Variants in PPARGC1A observed in about 807,000 individuals in gnomAD.
PPARGC1A encodes the protein PPARG coactivator 1 alpha.
Under a neutral mutation model 88.7 loss-of-function variants are expected in PPARGC1A, and 25 were observed. That is an observed-to-expected ratio of 0.28 (90% confidence interval 0.21 to 0.39). The LOEUF is 0.39. Among genes scored for constraint, PPARGC1A ranks in the 10% least tolerant of loss-of-function variants. The pLI is 1.00. For missense variants in PPARGC1A, 880 were observed against 968.7 expected (o/e 0.91, Z 1.22); for synonymous variants, 363 against 355.6 (o/e 1.02, Z -0.24).
At chr4:24,470,277 G>GACACACACAGACAC in the PPARGC1A span, among the ~76,000 whole-genome samples, 1 of 110,676 alleles carries the variant, frequency 9.0e-6, no homozygotes, top group Non-Finnish European at 1.9e-5. The surrounding 1 kb of genome is among the most constrained non-coding windows in gnomAD (Gnocchi z 5.8). Context: ...GACAGACACA[G>GACACACACAGACAC]ACACACACAC....
chr4:24,196,626 C>T, the PPARGC1A span, among the ~76,000 whole-genome samples: 1 of 152,198 alleles, frequency 6.6e-6, no homozygotes, highest in South Asian at 2.1e-4. Flanking sequence ...CTATCCCTCT[C>T]ATCCTCAGAG....
the PPARGC1A span, among the ~76,000 whole-genome samples, chr4:24,407,836 A>C: frequency 6.6e-6 from 1 of 152,320 alleles, no homozygotes; most frequent in African/African-American, 2.4e-5. Context: ...GCTGCCTGAC[A>C]CATAGTTAGC....
At chr4:24,359,548 T>C in the PPARGC1A span, among the ~76,000 whole-genome samples, 1 of 152,268 alleles carries the variant, frequency 6.6e-6, no homozygotes, top group East Asian at 1.9e-4. Context: ...AAAGATATAT[T>C]CAAGTCCTAT....
chr4:24,213,932 T>C, the PPARGC1A span, among the ~76,000 whole-genome samples: 1 of 152,244 alleles, frequency 6.6e-6, no homozygotes, highest in Admixed American at 6.5e-5. Context: ...ACTTGCTTCA[T>C]GCAGGCTTAA....
chr4:24,061,377 G>A, the PPARGC1A span, among the ~76,000 whole-genome samples: 1 of 152,324 alleles, frequency 6.6e-6, no homozygotes, highest in African/African-American at 2.4e-5. Context: ...CAAGTCTAGC[G>A]AAGGAGAACG....
the PPARGC1A span, among the ~76,000 whole-genome samples, chr4:24,110,226 A>G: frequency 5.8e-4 from 89 of 152,192 alleles, no homozygotes; most frequent in Non-Finnish European, 1.1e-3. Context: ...AAGAAGATCA[A>G]TGGACACATT....
the PPARGC1A span, among the ~76,000 whole-genome samples, chr4:24,425,185 T>C: frequency 5.9e-5 from 9 of 152,214 alleles, no homozygotes; most frequent in African/African-American, 2.2e-4. Flanking sequence ...ATTTCTCTTA[T>C]GGAAGAAAAA....
At chr4:23,932,310 G>A in the PPARGC1A span, among the ~76,000 whole-genome samples, 11 of 152,218 alleles carry the variant, frequency 7.2e-5, no homozygotes, top group African/African-American at 2.4e-4. Flanking sequence ...TCCTCGCTTG[G>A]CTGGGAACTA....
the PPARGC1A span, among the ~76,000 whole-genome samples, chr4:24,267,146 G>A: frequency 6.6e-6 from 1 of 152,146 alleles, no homozygotes; most frequent in Admixed American, 6.5e-5. Context: ...CCATTTGCAA[G>A]AGGTTGGGCA....
At chr4:24,248,371 C>T in the PPARGC1A span, among the ~76,000 whole-genome samples, 1 of 152,012 alleles carries the variant, frequency 6.6e-6, no homozygotes, top group Non-Finnish European at 1.5e-5. Context: ...GTGATCTGCC[C>T]ACCTCGGACT....
At chr4:24,459,778 G>A in the PPARGC1A span, among the ~76,000 whole-genome samples, 44 of 152,160 alleles carry the variant, frequency 2.9e-4, no homozygotes, top group Admixed American at 2.9e-3. Context: ...GCGACAGAGC[G>A]AGACCCTGTC....
Position 23,838,177 on chromosome 4 carries a change from C to T in PPARGC1A, c.235-6426G>A, listed in dbSNP as rs150955861. Among the ~76,000 whole-genome samples the T allele has an allele frequency of 2.1e-3, 315 of 152,220 alleles. 1 individual carries two copies. Among genetic ancestry groups the T allele is most frequent in the African/African-American group, 5.7e-3 (237 of 41,548 alleles). ...TATAGGTTGTTAAGTATTTTGAATA[C>T]CCACATTCAAACAATTGATTTTTTT... On this transcript the variant is annotated intron_variant, in intron 2 of 12. Transcript: ENST00000264867.
the PPARGC1A span, among the ~76,000 whole-genome samples, chr4:24,175,538 C>CTTTTTTTTTTT: frequency 7.3e-3 from 617 of 84,884 alleles, no homozygotes; most frequent in African/African-American, 0.013. Flanking sequence ...CCACACCAAG[C>CTTTTTTTTTTT]TTTTTTTTTT....
chr4:23,889,096 A>G (rs1207349935), intron 1 of PPARGC1A: 1 of 985,244 alleles, frequency 1.0e-6, no homozygotes, highest in African/African-American at 1.7e-5. Flanking sequence ...TCCCCCCTGT[A>G]TGAATTGTAG....
upstream of PPARGC1A, among the ~76,000 whole-genome samples, chr4:23,891,651 T>C (rs17576121): frequency 0.22 from 32,765 of 152,172 alleles, 4,683 homozygotes; most frequent in Non-Finnish European, 0.32. Context: ...TGTAAGGAAG[T>C]TGACAGTTTA....
At chr4:24,273,614 C>T in the PPARGC1A span, among the ~76,000 whole-genome samples, 1 of 151,994 alleles carries the variant, frequency 6.6e-6, no homozygotes, top group Admixed American at 6.6e-5. Flanking sequence ...AGTGTCAGGG[C>T]TGGTTAGAGA....
chr4:24,390,559 A>T, the PPARGC1A span, among the ~76,000 whole-genome samples: 1 of 152,120 alleles, frequency 6.6e-6, no homozygotes, highest in Admixed American at 6.5e-5. Context: ...ACCTCTACTT[A>T]CAATGTCATT....
At chr4:24,155,117 G>GT in the PPARGC1A span, among the ~76,000 whole-genome samples, 899 of 143,460 alleles carry the variant, frequency 6.3e-3, 6 homozygotes, top group African/African-American at 0.024. Flanking sequence ...TCGAACCTCG[G>GT]TTTTGTTTTT....
the PPARGC1A span, among the ~76,000 whole-genome samples, chr4:24,462,564 C>A: frequency 2.0e-5 from 3 of 152,002 alleles, no homozygotes; most frequent in Non-Finnish European, 4.4e-5. Context: ...TACGTTACTT[C>A]ATCTCTCTGG....
Sources: allele counts gnomAD v4.1 joint callset (sites outside exome capture counted in the v4.1 genomes callset), GRCh38; gene constraint gnomAD v4.1.1; non-coding constraint Gnocchi (gnomAD v3.1); transcripts MANE v1.5; gene names NCBI Gene and HGNC (gene_info 2026-07-23, HGNC 2026-07-21).